The following PPP1R21 variants were observed in gnomAD, a reference collection of about 807,000 sequenced individuals.
The protein encoded by PPP1R21 is KLRAQ motif containing 1.
In PPP1R21, 85 loss-of-function variants were observed where a neutral mutation model predicts 112.8. That is an observed-to-expected ratio of 0.75 (90% confidence interval 0.63 to 0.90). The LOEUF (loss-of-function observed/expected upper bound fraction) is 0.90. Among genes scored for constraint, PPP1R21 ranks in the 40% least tolerant of loss-of-function variants. The pLI, the probability that PPP1R21 is intolerant of heterozygous loss-of-function variation, is 0.00. For missense variants in PPP1R21, 1,199 were observed against 901.5 expected (o/e 1.33, Z -4.23); for synonymous variants, 381 against 322.3 (o/e 1.18, Z -1.95).
chr2:48,448,150 A>G (rs757343365), intron 1 of PPP1R21, among the ~76,000 whole-genome samples: 2 of 152,178 alleles, frequency 1.3e-5, no homozygotes, highest in Non-Finnish European at 2.9e-5. Context: ...CTCCATTTCT[A>G]CCTACTAAGT....
chr2:48,467,935 T>A (rs1025158805), intron 9 of PPP1R21, among the ~76,000 whole-genome samples: 7 of 152,240 alleles, frequency 4.6e-5, no homozygotes, highest in Non-Finnish European at 1.0e-4. Context: ...CCATTCGTCC[T>A]ACATAACCTG....
At position 48,498,564 on chromosome 2, in the gene PPP1R21, A is replaced by T; in HGVS notation, c.1764A>T (p.Leu588Phe). 1 of 1,614,238 alleles carries T rather than the reference A, an allele frequency of 6.2e-7. No individual in the cohort carries two copies. The highest frequency in any genetic ancestry group is 8.5e-7 in the Non-Finnish European group (1 of 1,180,030). Residue 588 changes from leucine (L) to phenylalanine (F), a missense_variant, in exon 17 of 22, where the codon TTA becomes TTT. Physicochemically the swap from Leu to Phe is conservative, Grantham distance 22 (BLOSUM62 0). Transcript: ENST00000294952. ...AACATTGGATGTTGGAAGCACAATTAGCCAAAATCAAGCTAGAGAAAGAAA... is the reference window on the plus strand; with the variant it reads ...AACATTGGATGTTGGAAGCACAATTTGCCAAAATCAAGCTAGAGAAAGAAA... ...EKEHWMLEAQ[L>F]AKIKLEKENQ...
At chr2:48,484,743 T>C (rs1189558432) in intron 13 of PPP1R21, among the ~76,000 whole-genome samples, 1 of 152,218 alleles carries the variant, frequency 6.6e-6, no homozygotes, top group African/African-American at 2.4e-5. Context: ...CTTGAACTCC[T>C]GGCCTCCAGT....
At position 48,458,063 on chromosome 2, in the gene PPP1R21, G is replaced by T. The variant is rs762571395; in HGVS notation, c.274-63G>T. 3.9e-6 allele frequency: 4 copies of T among 1,035,136 alleles called. No individual in the cohort carries two copies. The South Asian group carries it at 5.1e-5, about 13-fold the overall frequency. The allele number at this position is 1,035,136 out of a possible 1,614,324, so 64.1% of individuals were successfully genotyped here. A position where few individuals can be genotyped will look rare whatever the true frequency, so the allele number is the denominator to read the frequency against. On this transcript the variant is annotated intron_variant, in intron 3 of 21. Coordinates refer to ENST00000294952, the MANE Select transcript of PPP1R21 (RefSeq NM_001135629.3). ...GCTTCTAAGATGATAGAGAATCTGT[G>T]TACCTTAGGATGTTTCTCTAAAGGA... is the stretch of plus-strand genomic sequence containing the variant.
chr2:48,508,398 TAGG>T (rs1463112958), intron 19 of PPP1R21, among the ~76,000 whole-genome samples: 1 of 152,240 alleles, frequency 6.6e-6, no homozygotes, highest in Admixed American at 6.5e-5. Context: ...AAGAGGTTGA[TAGG>T]AGGCCAGTTG....
chr2:48,470,986 G>C (rs1668472346), intron 9 of PPP1R21, 101 bp from the exon 10 acceptor site: 1 of 804,602 alleles, frequency 1.2e-6, no homozygotes, highest in African/African-American at 1.7e-5. Context: ...CCATTATCAG[G>C]TTTACAATTT....
intron 15 of PPP1R21, 97 bp downstream of exon 15, chr2:48,491,267 T>C: frequency 7.6e-7 from 1 of 1,319,532 alleles, no homozygotes; most frequent in Non-Finnish European, 1.0e-6. Context: ...TGTTGACTTT[T>C]TATACGATAT....
intron 17 of PPP1R21, among the ~76,000 whole-genome samples, chr2:48,502,319 A>G (rs1031561177): frequency 1.3e-5 from 2 of 152,210 alleles, no homozygotes; most frequent in African/African-American, 4.8e-5. Context: ...CTCCTATAAC[A>G]AAAGACAGGT....
intron 2 of PPP1R21, among the ~76,000 whole-genome samples, chr2:48,454,101 A>G (rs137897657): frequency 5.3e-5 from 8 of 152,260 alleles, no homozygotes; most frequent in African/African-American, 1.9e-4. Flanking sequence ...TCTACTAAAA[A>G]TACAAAAAAA....
At chr2:48,460,808 C>T (rs1051404563) in intron 6 of PPP1R21, among the ~76,000 whole-genome samples, 6 of 152,108 alleles carry the variant, frequency 3.9e-5, no homozygotes, top group East Asian at 1.9e-4. Context: ...TGTGTTGTAA[C>T]GAGAACATTT....
intron 15 of PPP1R21, among the ~76,000 whole-genome samples, chr2:48,494,904 A>C (rs987827135): frequency 6.6e-6 from 1 of 151,882 alleles, no homozygotes; most frequent in Admixed American, 6.6e-5. Flanking sequence ...TTTTAGTAGC[A>C]CCATTTTGGC....
chr2:48,448,611 A>G (rs72822203), intron 1 of PPP1R21, among the ~76,000 whole-genome samples: 1 of 25,438 alleles, frequency 3.9e-5, no homozygotes, highest in Non-Finnish European at 1.1e-4. Context: ...TTAGATTTAT[A>G]AAATAAAATC....
intron 7 of PPP1R21, 125 bp from the exon 8 acceptor site, chr2:48,464,812 T>A (rs1474024441): frequency 2.2e-5 from 14 of 631,844 alleles, no homozygotes; most frequent in Non-Finnish European, 3.5e-5. Context: ...TATTCTGTAT[T>A]GTTGATCATT....
At chr2:48,475,835 G>GA (rs1295556724) in intron 12 of PPP1R21, among the ~76,000 whole-genome samples, 1 of 151,052 alleles carries the variant, frequency 6.6e-6, no homozygotes, top group Non-Finnish European at 1.5e-5. Flanking sequence ...CAGCAATAGC[G>GA]AAACTGTCTC....
intron 2 of PPP1R21, among the ~76,000 whole-genome samples, chr2:48,454,069 T>G (rs888942048): frequency 1.3e-5 from 2 of 152,038 alleles, no homozygotes; most frequent in African/African-American, 4.8e-5. Context: ...GACCAGCCTG[T>G]CCAACATGGC....
intron 17 of PPP1R21, among the ~76,000 whole-genome samples, chr2:48,501,503 A>G (rs1221865063): frequency 6.6e-6 from 1 of 152,226 alleles, no homozygotes; most frequent in Non-Finnish European, 1.5e-5. Context: ...ACTCCATTTC[A>G]TAGTTGAGGA....
Position 48,468,829 on chromosome 2 carries a change from A to ATGTGTGTGTGTGTG in PPP1R21, c.898-2242_898-2229dup, listed in dbSNP as rs113373775. 3.5e-3 allele frequency among the ~76,000 whole-genome samples: 514 copies of ATGTGTGTGTGTGTG among 146,534 alleles called. 2 individuals are homozygous for ATGTGTGTGTGTGTG. The highest frequency in any genetic ancestry group is 6.9e-3 in the Middle Eastern group (2 of 288). ...GACCCTGTCTCAAGAAAAAAAATGTATGTGTGTGTGTGTGTGTGTGTGTGT... is the reference window on the plus strand; with the variant it reads ...GACCCTGTCTCAAGAAAAAAAATGTATGTGTGTGTGTGTGTGTGTGTGTGTGTGTGTGTGTGTGT... On this transcript the variant is annotated intron_variant, in intron 9 of 21. Transcript: ENST00000294952.
At chr2:48,445,624 T>G (rs902426877) in intron 1 of PPP1R21, among the ~76,000 whole-genome samples, 10 of 152,176 alleles carry the variant, frequency 6.6e-5, no homozygotes, top group Non-Finnish European at 1.5e-4. Flanking sequence ...CTCTTCCTGT[T>G]TAGTTTAACT....
At chr2:48,444,123 G>A (rs180736011) in intron 1 of PPP1R21, among the ~76,000 whole-genome samples, 14 of 152,312 alleles carry the variant, frequency 9.2e-5, no homozygotes, top group Non-Finnish European at 1.9e-4. Context: ...ATGAACTGTG[G>A]AGGTCAAAGC....
Sources: allele counts gnomAD v4.1 joint callset (sites outside exome capture counted in the v4.1 genomes callset), GRCh38; gene constraint gnomAD v4.1.1; transcripts MANE v1.5; gene names NCBI Gene and HGNC (gene_info 2026-07-23, HGNC 2026-07-21).